The following RASAL2 variants were observed in gnomAD, a reference collection of about 807,000 sequenced individuals.
RASAL2 encodes RAS protein activator like 2.
RASAL2 carries 58 observed loss-of-function variants against 128.9 expected under a neutral mutation model. That is an observed-to-expected ratio of 0.45 (90% CI 0.36 to 0.56). The LOEUF is 0.56. Among genes scored for constraint, RASAL2 ranks in the 20% least tolerant of loss-of-function variants. The pLI is 0.00. For missense variants in RASAL2, 1,360 were observed against 1,601.6 expected (o/e 0.85, Z 2.57); for synonymous variants, 561 against 580.8 (o/e 0.97, Z 0.49).
intron 1 of RASAL2, among the ~76,000 whole-genome samples, chr1:178,149,845 G>T (rs146386668): frequency 6.6e-6 from 1 of 152,170 alleles, no homozygotes; most frequent in East Asian, 1.9e-4. Context: ...ATTATCTGTT[G>T]TTTGACCACT....
chr1:178,229,495 G>A (rs1254258877), intron 1 of RASAL2, among the ~76,000 whole-genome samples: 2 of 151,336 alleles, frequency 1.3e-5, no homozygotes, highest in South Asian at 2.1e-4. Flanking sequence ...TTTTTTATTG[G>A]GAGGGGGTAC....
chr1:178,135,568 C>A (rs907603365), intron 1 of RASAL2, among the ~76,000 whole-genome samples: 1 of 145,684 alleles, frequency 6.9e-6, no homozygotes, highest in Non-Finnish European at 1.5e-5. Context: ...CTGAGAAATT[C>A]TGTAGTTTAA....
At chr1:178,341,617 T>C (rs1669886039) in intron 3 of RASAL2, 4 of 1,613,842 alleles carry the variant, frequency 2.5e-6, no homozygotes, top group Non-Finnish European at 3.4e-6. Context: ...AGGTAAGAGT[T>C]TGTAGAGTCT....
Position 178,350,689 on chromosome 1 carries a change from G to A in RASAL2, c.458-39411G>A, listed in dbSNP as rs73035263. The stretch of plus-strand genomic sequence containing the variant: ...TGTCAGCAGGATTCAGTTTCTTGCA[G>A]TGGTAGGACTGAGATCCCTGTTTTT... On this transcript the variant is annotated intron_variant, in intron 3 of 17. Transcript: ENST00000367649. Among the ~76,000 whole-genome samples the A allele has an allele frequency of 8.7e-4, 133 of 152,268 alleles. 1 individual carries two copies. The highest frequency in any genetic ancestry group is 3.1e-3 in the African/African-American group (127 of 41,560).
At chr1:178,337,536 A>C (rs771359560) in intron 3 of RASAL2, among the ~76,000 whole-genome samples, 1 of 152,112 alleles carries the variant, frequency 6.6e-6, no homozygotes, top group Non-Finnish European at 1.5e-5. Flanking sequence ...TGGTTAGAAG[A>C]AGCTGAGTAT....
intron 1 of RASAL2, among the ~76,000 whole-genome samples, chr1:178,205,910 A>G (rs1663028297): frequency 6.6e-6 from 1 of 152,168 alleles, no homozygotes; most frequent in Non-Finnish European, 1.5e-5. Context: ...TAGCTGATAA[A>G]TCTAATGGCA....
intron 1 of RASAL2, among the ~76,000 whole-genome samples, chr1:178,121,898 C>G (rs1354974213): frequency 1.3e-5 from 2 of 152,118 alleles, no homozygotes; most frequent in Non-Finnish European, 2.9e-5. Flanking sequence ...AAAACCTAAC[C>G]CCACTTTTTT....
At position 178,206,851 on chromosome 1, in the gene RASAL2, C is replaced by T. The variant is rs187704162; in HGVS notation, c.203-76713C>T. ...AATGGCTGAATAAATTATGGTACTC[C>T]ACTCAATGTAATGTAATTCAGACAT... On this transcript the variant is annotated intron_variant, in intron 1 of 17. Transcript: ENST00000367649. Among the ~76,000 whole-genome samples the T allele has an allele frequency of 4.6e-5, 7 of 152,092 alleles. No homozygotes were observed. The East Asian group carries it at 1.4e-3, about 29-fold the overall frequency.
Position 178,228,822 on chromosome 1 carries a change from TTC to T in RASAL2, c.203-54737_203-54736del, listed in dbSNP as rs201558589. Among the ~76,000 whole-genome samples the T allele has an allele frequency of 1.4e-4, 21 of 152,268 alleles. No individual in the cohort carries two copies. The East Asian group carries it at 2.9e-3, about 21-fold the overall frequency. On this transcript the variant is annotated intron_variant, in intron 1 of 17. Transcript: ENST00000367649. ...TCTTAATAGGGTGATCTTGATTAAC[TTC>T]TCTCCCTCATAAAATCTATGAAGCA... is the stretch of plus-strand genomic sequence containing the variant.
intron 1 of RASAL2, among the ~76,000 whole-genome samples, chr1:178,257,530 A>G (rs1157373794): frequency 6.6e-6 from 1 of 152,116 alleles, no homozygotes; most frequent in Non-Finnish European, 1.5e-5. Context: ...TCATAAGAGT[A>G]TAATAACTTT....
chr1:178,264,364 A>G (rs1665843586), intron 1 of RASAL2, among the ~76,000 whole-genome samples: 1 of 152,196 alleles, frequency 6.6e-6, no homozygotes, highest in African/African-American at 2.4e-5. Flanking sequence ...ATAGACTTAT[A>G]CAGTTTTAAA....
chr1:178,445,768 T>C (rs907231794), intron 9 of RASAL2, 106 bp downstream of exon 9: 1 of 1,200,292 alleles, frequency 8.3e-7, no homozygotes, highest in Non-Finnish European at 1.1e-6. Flanking sequence ...TATTTAGTTC[T>C]AGCTGACTCA....
At chr1:178,464,869 T>A (rs2102941524) in intron 15 of RASAL2, among the ~76,000 whole-genome samples, 1 of 139,082 alleles carries the variant, frequency 7.2e-6, no homozygotes, top group East Asian at 2.1e-4. Context: ...CTTTTCTGGA[T>A]AAAGAATGTA....
intron 1 of RASAL2, among the ~76,000 whole-genome samples, chr1:178,156,050 T>C (rs1661072899): frequency 6.6e-6 from 1 of 152,224 alleles, no homozygotes; most frequent in African/African-American, 2.4e-5. Flanking sequence ...AGAAGTTCTG[T>C]TCAGGTAATA....
chr1:178,445,760 T>G, intron 9 of RASAL2, 98 bp downstream of exon 9: 1 of 1,295,984 alleles, frequency 7.7e-7, no homozygotes, highest in Non-Finnish European at 1.0e-6. Flanking sequence ...CTGCATGTTA[T>G]TTAGTTCTAG....
At chr1:178,383,324 G>A (rs1441807488) in intron 3 of RASAL2, among the ~76,000 whole-genome samples, 1 of 152,126 alleles carries the variant, frequency 6.6e-6, no homozygotes. Context: ...CAGAGCAGCT[G>A]GATGCTTGTG....
At chr1:178,378,538 C>G (rs189807573) in intron 3 of RASAL2, among the ~76,000 whole-genome samples, 1 of 152,056 alleles carries the variant, frequency 6.6e-6, no homozygotes, top group Admixed American at 6.6e-5. Flanking sequence ...TGGCAATAGA[C>G]CAGGTCATAA....
intron 1 of RASAL2, among the ~76,000 whole-genome samples, chr1:178,252,163 G>A (rs1454375508): frequency 6.6e-6 from 1 of 151,930 alleles, no homozygotes; most frequent in East Asian, 1.9e-4. Context: ...GCCTGAATGA[G>A]TTTTATTTTA....
At chr1:178,161,912 T>C (rs189797433) in intron 1 of RASAL2, among the ~76,000 whole-genome samples, 1 of 152,156 alleles carries the variant, frequency 6.6e-6, no homozygotes, top group East Asian at 1.9e-4. Flanking sequence ...CTTTGCCATA[T>C]TTAAATTGGG....
Sources: gnomAD v4.1 joint callset for allele counts (sites outside exome capture counted in the v4.1 genomes callset) on GRCh38, gnomAD v4.1.1 for gene constraint, MANE v1.5 for transcripts, NCBI Gene and HGNC (gene_info 2026-07-23, HGNC 2026-07-21) for gene names.